The following NPAS3 variants were observed in gnomAD, a reference collection of about 807,000 sequenced individuals.
NPAS3 encodes the protein neuronal PAS domain protein 3.
A neutral mutation model predicts 73.1 loss-of-function variants in NPAS3; 14 were observed. The observed-to-expected ratio is 0.19, with a 90% CI of 0.13 to 0.30. NPAS3 has a LOEUF of 0.30. Ranked by LOEUF, NPAS3 falls within the 10% of genes least tolerant of loss-of-function variation. The probability of loss-of-function intolerance (pLI) is 1.00; values close to 1 mark genes in which losing one functional copy is unlikely to be tolerated. For synonymous variants in NPAS3, 620 were observed against 541.5 expected, an observed-to-expected ratio of 1.14 and a Z score of -2.01; for missense variants, 1,096 against 1,250.0, an observed-to-expected ratio of 0.88 and a Z score of 1.86.
intron 4 of NPAS3, among the ~76,000 whole-genome samples, chr14:33,370,408 A>G (rs542365535): frequency 2.0e-5 from 3 of 152,324 alleles, no homozygotes; most frequent in Non-Finnish European, 2.9e-5. Flanking sequence ...AAGTAGTGGT[A>G]AATCTTACTT....
At chr14:33,163,876 G>T (rs1002797373) in intron 2 of NPAS3, among the ~76,000 whole-genome samples, 3 of 152,156 alleles carry the variant, frequency 2.0e-5, no homozygotes, top group African/African-American at 7.2e-5. Context: ...CCACATCAGT[G>T]CTTTCAGCAG....
intron 1 of NPAS3, among the ~76,000 whole-genome samples, chr14:32,975,527 T>C (rs879272488): frequency 8.5e-5 from 13 of 152,218 alleles, no homozygotes; most frequent in Non-Finnish European, 1.9e-4. Flanking sequence ...CTGTTATTCC[T>C]TTCAAATGGT....
At chr14:33,242,283 T>C (rs2048236439) in intron 3 of NPAS3, among the ~76,000 whole-genome samples, 1 of 152,096 alleles carries the variant, frequency 6.6e-6, no homozygotes, top group Non-Finnish European at 1.5e-5. Flanking sequence ...AATTAGATTT[T>C]CTACATTTGA....
At chr14:33,145,235 C>A (rs1169105748) in intron 2 of NPAS3, among the ~76,000 whole-genome samples, 1 of 152,086 alleles carries the variant, frequency 6.6e-6, no homozygotes, top group Non-Finnish European at 1.5e-5. Flanking sequence ...GAAAATTTTT[C>A]TTTTGGCATT....
intron 2 of NPAS3, among the ~76,000 whole-genome samples, chr14:33,124,935 A>G (rs1391699892): frequency 6.6e-6 from 1 of 152,150 alleles, no homozygotes; most frequent in Non-Finnish European, 1.5e-5. Context: ...TTAGGAAGCT[A>G]TTAGGAGGCA....
At chr14:33,593,441 C>T (rs1254923445) in intron 5 of NPAS3, among the ~76,000 whole-genome samples, 1 of 152,158 alleles carries the variant, frequency 6.6e-6, no homozygotes, top group Non-Finnish European at 1.5e-5. Context: ...AGTAAAAGCA[C>T]TAGAGAATAC....
At chr14:33,323,429 C>A (rs1341844912) in intron 3 of NPAS3, among the ~76,000 whole-genome samples, 1 of 152,160 alleles carries the variant, frequency 6.6e-6, no homozygotes, top group Non-Finnish European at 1.5e-5. Flanking sequence ...CTGAGATATT[C>A]CAATCAGTCA....
chr14:33,305,034 A>G (rs958352815), intron 3 of NPAS3, among the ~76,000 whole-genome samples: 8 of 152,128 alleles, frequency 5.3e-5, no homozygotes, highest in African/African-American at 1.9e-4. Flanking sequence ...ACAAGAGACA[A>G]TAATAACTAG....
At chr14:33,410,641 A>T (rs1431018540) in intron 4 of NPAS3, among the ~76,000 whole-genome samples, 1 of 152,114 alleles carries the variant, frequency 6.6e-6, no homozygotes, top group African/African-American at 2.4e-5. Context: ...GCTCAAGAAT[A>T]GTTGGTACTT....
At chr14:33,310,116 T>TA (rs376125016) in intron 3 of NPAS3, among the ~76,000 whole-genome samples, 113 of 152,268 alleles carry the variant, frequency 7.4e-4, no homozygotes, top group Non-Finnish European at 1.1e-3. Context: ...AGCTAACATG[T>TA]AGTGAATGAA....
chr14:33,759,046 CAA>C lies in NPAS3; in HGVS notation c.853-15288_853-15287del, dbSNP rs560659443. ...AAATTGATTCGAAGGGTAGATAAAC[CAA>C]AAGTGTGTCATAATGCCCACTTCTG... On this transcript the variant is annotated intron_variant, in intron 7 of 11. Coordinates refer to ENST00000356141, the Ensembl canonical transcript of NPAS3. 1.4e-4 allele frequency among the ~76,000 whole-genome samples: 21 copies of C among 152,230 alleles called. No individual in the cohort carries two copies. In the East Asian group the frequency reaches 3.9e-3, roughly 28 times the overall value.
At chr14:33,794,467 A>G (rs1595628984) in intron 10 of NPAS3, among the ~76,000 whole-genome samples, 1 of 152,312 alleles carries the variant, frequency 6.6e-6, no homozygotes, top group South Asian at 2.1e-4. Flanking sequence ...AGTGGCAGGG[A>G]ACATTATATT....
At chr14:33,349,470 C>T (rs923381992) in intron 3 of NPAS3, among the ~76,000 whole-genome samples, 1 of 152,310 alleles carries the variant, frequency 6.6e-6, no homozygotes, top group South Asian at 2.1e-4. Flanking sequence ...CCTCAAACAA[C>T]CATGATTGTT....
intron 7 of NPAS3, among the ~76,000 whole-genome samples, chr14:33,762,595 G>A (rs918400165): frequency 6.6e-6 from 1 of 151,968 alleles, no homozygotes; most frequent in Non-Finnish European, 1.5e-5. Flanking sequence ...TCTACAAAAT[G>A]GAAATCCTGA....
intron 1 of NPAS3, among the ~76,000 whole-genome samples, chr14:32,970,043 G>T (rs1595118335): frequency 6.6e-6 from 1 of 152,288 alleles, no homozygotes; most frequent in Admixed American, 6.5e-5. Context: ...ATTTGCAATA[G>T]TAGGGGCTAA....
chr14:33,413,039 G>A lies in NPAS3; in HGVS notation c.468+45771G>A, dbSNP rs182899270. On this transcript the variant is annotated intron_variant, in intron 4 of 11. Transcript: ENST00000356141. ...AAGGGCTTGAAAGCAAAGGCAGTTC[G>A]TACAACAGGAAATACCAGTATGAAA... Among the ~76,000 whole-genome samples the A allele has an allele frequency of 7.2e-5, 11 of 152,214 alleles. No homozygotes were observed. In the East Asian group the frequency reaches 1.2e-3, roughly 16 times the overall value.
In NPAS3 at chr14:33,589,654, A is replaced by G. The variant is rs545313070; in HGVS notation, c.558+29444A>G. 7.9e-5 allele frequency among the ~76,000 whole-genome samples: 12 copies of G among 152,218 alleles called. No individual in the cohort carries two copies. The East Asian group carries it at 2.1e-3, about 27-fold the overall frequency. ...TCCACCATCTACTATAAAGTTTTTT[A>G]TTGTTGTTTTCCTTAATCATACTTG... is the stretch of plus-strand genomic sequence containing the variant. On this transcript the variant is annotated intron_variant, in intron 5 of 11. Transcript: ENST00000356141.
At chr14:33,110,450 A>G (rs1384442878) in intron 2 of NPAS3, among the ~76,000 whole-genome samples, 3 of 152,174 alleles carry the variant, frequency 2.0e-5, no homozygotes, top group African/African-American at 7.2e-5. Flanking sequence ...TAATTTTCTC[A>G]TTGCTGAATT....
In NPAS3 at chr14:33,005,571, G is replaced by A. The variant is rs188659166; in HGVS notation, c.51-50334G>A. 2.4e-3 allele frequency among the ~76,000 whole-genome samples: 358 copies of A among 152,218 alleles called. 1 individual carries two copies. Among genetic ancestry groups the A allele is most frequent in the Admixed American group, 4.5e-3 (69 of 15,290 alleles). On this transcript the variant is annotated intron_variant, in intron 1 of 11. Transcript: ENST00000356141. ...GGACGACATTTTCCACCTAGGGAAG[G>A]CATCCTTCTAGAGGAAACTCACTCT...
Sources: gnomAD v4.1 joint callset for allele counts (sites outside exome capture counted in the v4.1 genomes callset) on GRCh38, gnomAD v4.1.1 for gene constraint, MANE v1.5 for transcripts, NCBI Gene and HGNC (gene_info 2026-07-23, HGNC 2026-07-21) for gene names.